KCTD20: variants seen among roughly 807,000 people sequenced by gnomAD.
KCTD20 encodes the protein BTB/POZ domain-containing protein KCTD20.
KCTD20 carries 30 observed loss-of-function variants against 39.6 expected under a neutral mutation model. That is an observed-to-expected ratio of 0.76 (90% CI 0.57 to 1.03). The LOEUF (loss-of-function observed/expected upper bound fraction) is 1.03. Ranked by LOEUF, KCTD20 falls within the 50% of genes least tolerant of loss-of-function variation. The pLI is 0.00. For synonymous variants in KCTD20, 162 were observed against 180.6 expected, an observed-to-expected ratio of 0.90 and a Z score of 0.83; for missense variants, 422 against 522.0, an observed-to-expected ratio of 0.81 and a Z score of 1.87.
chr6:36,479,099 T>C, intron 3 of KCTD20, 22 bp from the exon 4 acceptor site: 1 of 1,472,854 alleles, frequency 6.8e-7, no homozygotes, highest in Non-Finnish European at 9.5e-7. Context: ...GAAGATAACA[T>C]TATTGCCTGG....
intron 2 of KCTD20, among the ~76,000 whole-genome samples, chr6:36,474,440 T>C (rs1776003694): frequency 6.6e-6 from 1 of 152,194 alleles, no homozygotes; most frequent in African/African-American, 2.4e-5. Flanking sequence ...GTATAGGGAA[T>C]AGCAGGGGAG....
chr6:36,479,294 A>G (rs1334797473), intron 4 of KCTD20, 71 bp downstream of exon 4: 3 of 1,095,038 alleles, frequency 2.7e-6, no homozygotes, highest in Non-Finnish European at 4.1e-6. Context: ...TGAGAGTTCC[A>G]TCAACTATGT....
At chr6:36,447,442 A>C (rs1314271235) in intron 1 of KCTD20, among the ~76,000 whole-genome samples, 1 of 152,130 alleles carries the variant, frequency 6.6e-6, no homozygotes, top group East Asian at 1.9e-4. Context: ...ATCCTGGCCA[A>C]CATGGTGAAA....
At chr6:36,444,456 T>C (rs915992810) in intron 1 of KCTD20, among the ~76,000 whole-genome samples, 5 of 152,212 alleles carry the variant, frequency 3.3e-5, no homozygotes, top group Non-Finnish European at 7.3e-5. Flanking sequence ...GGTTTAGAGA[T>C]AGCCCATTAA....
At chr6:36,479,491 G>A (rs753393427) in intron 4 of KCTD20, 100 bp from the exon 5 acceptor site, 76 of 1,073,768 alleles carry the variant, frequency 7.1e-5, no homozygotes, top group Middle Eastern at 2.8e-4. Flanking sequence ...GATAATTCCA[G>A]TAGCTCATTG....
intron 2 of KCTD20, among the ~76,000 whole-genome samples, chr6:36,471,115 C>T (rs189357900): frequency 3.2e-4 from 48 of 147,976 alleles, no homozygotes; most frequent in Admixed American, 9.5e-4. Flanking sequence ...CACACCACTG[C>T]GCTCCAGCCT....
intron 1 of KCTD20, among the ~76,000 whole-genome samples, chr6:36,448,771 G>A (rs1000594010): frequency 3.3e-5 from 5 of 152,174 alleles, no homozygotes; most frequent in African/African-American, 1.2e-4. Flanking sequence ...AAGCCGCGGA[G>A]CCTCGCGGTG....
chr6:36,477,536 A>G (rs1318034136), intron 3 of KCTD20, among the ~76,000 whole-genome samples: 3 of 145,756 alleles, frequency 2.1e-5, no homozygotes, highest in Non-Finnish European at 3.0e-5. Flanking sequence ...GCTGGAGTGC[A>G]GTCGCGCGAT....
Position 36,474,931 on chromosome 6 carries a change from A to G in KCTD20, c.303A>G (p.Gly101=). 6.2e-7 allele frequency: 1 copy of G among 1,614,148 alleles called. No homozygotes were observed. Among genetic ancestry groups the G allele is most frequent in the Non-Finnish European group, 8.5e-7 (1 of 1,180,032 alleles). ...CTTTTATTGCTCCAGAAAGATTTGG[A>G]AACAGTAGTGTGGGCTTTGGCAGTA... ...HEPFIAPERF[G]NSSVGFGSNS... Residue 101 remains glycine, a synonymous_variant, in exon 3 of 8, where the codon GGA becomes GGG. Transcript: ENST00000373731.
intron 1 of KCTD20, among the ~76,000 whole-genome samples, chr6:36,463,603 AG>A (rs1205680432): frequency 2.0e-5 from 3 of 152,192 alleles, no homozygotes; most frequent in African/African-American, 7.2e-5. Flanking sequence ...GGAGGCCTTT[AG>A]GAGGTGATTA....
intron 1 of KCTD20, among the ~76,000 whole-genome samples, chr6:36,464,533 TCTTA>T (rs2127439796): frequency 6.6e-6 from 1 of 152,308 alleles, no homozygotes; most frequent in African/African-American, 2.4e-5. Context: ...TATGATAGCC[TCTTA>T]CTGTGAGTTC....
chr6:36,472,766 A>G lies in KCTD20; in HGVS notation c.161-2023A>G, dbSNP rs186345578. 5.1e-3 allele frequency among the ~76,000 whole-genome samples: 779 copies of G among 152,240 alleles called. 3 individuals are homozygous for G. Among genetic ancestry groups the G allele is most frequent in the African/African-American group, 0.017 (720 of 41,550 alleles). ...GCCAAGGTGGGCGGATCACTTGAGG[A>G]GACTGCCTATTTAAAAGAACCCTTT... On this transcript the variant is annotated intron_variant, in intron 2 of 7. Coordinates refer to ENST00000373731, the MANE Select transcript of KCTD20 (RefSeq NM_173562.5).
At chr6:36,481,835 C>A in intron 6 of KCTD20, 76 bp downstream of exon 6, 2 of 1,224,746 alleles carry the variant, frequency 1.6e-6, no homozygotes, top group East Asian at 2.4e-5. Flanking sequence ...ATCCTAGAAC[C>A]AATGTGAATA....
rs1487924599 is a variant in KCTD20 at position 36,470,202 on chromosome 6, C to T, written c.105C>T (p.Ser35=). ...TAGCCCAAGAAAAAGAAGCAAACAG[C>T]CTGGCTTCATCTGGTCCTCATAATC... ...LAVAQEKEAN[S]LASSGPHNLT... The change falls in exon 2 of 8, where the codon AGC becomes AGT. Residue 35 remains serine (S), a synonymous_variant. Coordinates refer to ENST00000373731, the MANE Select transcript of KCTD20 (RefSeq NM_173562.5). 1 of 1,614,100 alleles carries T rather than the reference C, an allele frequency of 6.2e-7. No individual in the cohort carries two copies. The highest frequency in any genetic ancestry group is 8.5e-7 in the Non-Finnish European group (1 of 1,179,984).
rs80177089 is a variant in KCTD20, at chr6:36,479,504, T to C, written c.538-87T>C. ...GTGATAATTCCAGTAGCTCATTGCT[T>C]TAACAAAACCAGGAATGCACAGGGA... is the stretch of plus-strand genomic sequence containing the variant. On this transcript the variant is annotated intron_variant, in intron 4 of 7. Coordinates refer to ENST00000373731, the MANE Select transcript of KCTD20 (RefSeq NM_173562.5). 479 of 1,255,438 alleles carry C rather than the reference T, an allele frequency of 3.8e-4. 1 individual carries two copies. In the African/African-American group the frequency reaches 5.6e-3, roughly 15 times the overall value. The allele number at this position is 1,255,438 out of a possible 1,614,324, so 77.8% of individuals were successfully genotyped here. A position where few individuals can be genotyped will look rare whatever the true frequency, so the allele number is the denominator to read the frequency against.
At position 36,479,169 on chromosome 6, in the gene KCTD20, G is replaced by C; in HGVS notation, c.483G>C (p.Lys161Asn). ...REYNFTRPNEKGEYEIAEGIS... is the reference protein window; with the variant it reads ...REYNFTRPNENGEYEIAEGIS... ...ACAACTTCACTCGGCCCAATGAGAAGGGAGAGTATGAGATTGCTGAAGGCA... is the reference window on the plus strand; with the variant it reads ...ACAACTTCACTCGGCCCAATGAGAACGGAGAGTATGAGATTGCTGAAGGCA... The change falls in exon 4 of 8, where the codon AAG (lysine) becomes AAC (asparagine). Residue 161 changes from lysine (K) to asparagine (N), a missense_variant. By Grantham distance (94) the Lys-to-Asn change is moderately conservative. Transcript: ENST00000373731. 2 of 1,614,066 alleles carry C rather than the reference G, an allele frequency of 1.2e-6. No individual in the cohort carries two copies. The highest frequency in any genetic ancestry group is 1.7e-6 in the Non-Finnish European group (2 of 1,179,966).
intron 1 of KCTD20, among the ~76,000 whole-genome samples, chr6:36,449,020 T>A (rs1184578389): frequency 6.7e-6 from 1 of 150,360 alleles, no homozygotes; most frequent in African/African-American, 2.4e-5. Context: ...TTGCAGTGAG[T>A]GTTACAGCTC....
At chr6:36,470,872 C>T (rs1053049261) in intron 2 of KCTD20, among the ~76,000 whole-genome samples, 10 of 152,108 alleles carry the variant, frequency 6.6e-5, no homozygotes, top group Admixed American at 3.9e-4. Flanking sequence ...TTCCTAGGCC[C>T]GGCACGGTGG....
chr6:36,470,714 C>T (rs1775886861), intron 2 of KCTD20, among the ~76,000 whole-genome samples: 1 of 152,278 alleles, frequency 6.6e-6, no homozygotes, highest in African/African-American at 2.4e-5. Flanking sequence ...GAGCCTCTCA[C>T]CTCAGCCTCA....
Sources: allele counts gnomAD v4.1 joint callset (sites outside exome capture counted in the v4.1 genomes callset), GRCh38; gene constraint gnomAD v4.1.1; transcripts MANE v1.5; gene names NCBI Gene and HGNC (gene_info 2026-07-23, HGNC 2026-07-21).